ZMYM2: variants seen among roughly 807,000 people sequenced by gnomAD.
ZMYM2 encodes the protein zinc finger MYM-type containing 2.
In ZMYM2, 56 loss-of-function variants were observed where a neutral mutation model predicts 162.8. That is an observed-to-expected ratio of 0.34 (90% CI 0.28 to 0.43). ZMYM2 has a LOEUF of 0.43. Among genes scored for constraint, ZMYM2 ranks in the 20% least tolerant of loss-of-function variants. The probability of loss-of-function intolerance (pLI) is 1.00; values close to 1 mark genes in which losing one functional copy is unlikely to be tolerated. For missense variants in ZMYM2, 1,275 were observed against 1,621.8 expected (o/e 0.79, Z 3.67); for synonymous variants, 510 against 541.6 (o/e 0.94, Z 0.81).
chr13:19,994,297 A>G (rs1428848990), intron 3 of ZMYM2, among the ~76,000 whole-genome samples: 2 of 152,264 alleles, frequency 1.3e-5, no homozygotes, highest in Non-Finnish European at 2.9e-5. Flanking sequence ...TCTAGGCCAC[A>G]TAGCGAGACG....
chr13:19,930,999 C>T, the ZMYM2 span, among the ~76,000 whole-genome samples: 2 of 151,344 alleles, frequency 1.3e-5, no homozygotes, highest in Admixed American at 6.6e-5. Context: ...ATTAGCCAGG[C>T]GCGGTGGCGG....
the ZMYM2 span, among the ~76,000 whole-genome samples, chr13:19,891,800 A>G: frequency 6.6e-6 from 1 of 151,824 alleles, no homozygotes; most frequent in South Asian, 2.1e-4. Context: ...TAAATCAATA[A>G]TATAACCCTA....
chr13:19,959,423 C>T (rs935239853), intron 1 of ZMYM2, among the ~76,000 whole-genome samples: 2 of 152,142 alleles, frequency 1.3e-5, no homozygotes, highest in Non-Finnish European at 2.9e-5. Flanking sequence ...CTGCGCGGCT[C>T]TTGCTCCGCA....
At chr13:20,026,026 A>T (rs1323191560) in intron 7 of ZMYM2, 2 of 152,168 alleles carry the variant, frequency 1.3e-5, no homozygotes, top group African/African-American at 4.8e-5. Flanking sequence ...TTATAGCCAG[A>T]AGTCATTTTG....
At chr13:19,871,249 G>C in the ZMYM2 span, among the ~76,000 whole-genome samples, 13 of 151,930 alleles carry the variant, frequency 8.6e-5, no homozygotes, top group African/African-American at 3.1e-4. Flanking sequence ...AAAGTAAAGA[G>C]ATAAAAAATG....
At chr13:19,915,109 G>A in the ZMYM2 span, among the ~76,000 whole-genome samples, 3 of 152,080 alleles carry the variant, frequency 2.0e-5, no homozygotes, top group Admixed American at 6.6e-5. Context: ...CTACAGGCAT[G>A]TGCCACCATA....
chr13:19,939,511 TG>T, the ZMYM2 span, among the ~76,000 whole-genome samples: 3 of 152,204 alleles, frequency 2.0e-5, no homozygotes, highest in Admixed American at 6.5e-5. Context: ...TGTCAATAAA[TG>T]AAAGTAACCT....
At chr13:19,923,226 G>T in the ZMYM2 span, among the ~76,000 whole-genome samples, 1 of 148,796 alleles carries the variant, frequency 6.7e-6, no homozygotes, top group South Asian at 2.1e-4. Context: ...GCCTGATGGC[G>T]GGCGCCTGTA....
At chr13:20,068,107 G>A (rs1956814428) in intron 21 of ZMYM2, 2 of 178,580 alleles carry the variant, frequency 1.1e-5, no homozygotes, top group Non-Finnish European at 2.4e-5. Flanking sequence ...TTAAGATTCT[G>A]TAAGTGGTGG....
At chr13:20,016,544 C>G (rs763444162) in intron 6 of ZMYM2, among the ~76,000 whole-genome samples, 1 of 152,168 alleles carries the variant, frequency 6.6e-6, no homozygotes, top group Non-Finnish European at 1.5e-5. Flanking sequence ...TTAGTGGCAA[C>G]AAACTCCCTC....
chr13:19,912,129 A>G, the ZMYM2 span, among the ~76,000 whole-genome samples: 19 of 152,144 alleles, frequency 1.2e-4, no homozygotes, highest in East Asian at 3.9e-4. Flanking sequence ...GTATGCAGCT[A>G]TTGAGTTGGC....
the ZMYM2 span, among the ~76,000 whole-genome samples, chr13:19,871,125 C>T: frequency 5.3e-5 from 8 of 151,862 alleles, no homozygotes; most frequent in Non-Finnish European, 7.4e-5. Flanking sequence ...ATGCTAAAAA[C>T]GAATATGAAT....
intron 21 of ZMYM2, among the ~76,000 whole-genome samples, chr13:20,079,952 G>A (rs1425472008): frequency 3.3e-5 from 5 of 152,042 alleles, no homozygotes; most frequent in Non-Finnish European, 7.4e-5. Context: ...TTCTAAACTT[G>A]GGGATTTTAC....
intron 21 of ZMYM2, among the ~76,000 whole-genome samples, chr13:20,075,877 G>A (rs778737270): frequency 3.3e-5 from 5 of 150,856 alleles, no homozygotes; most frequent in African/African-American, 7.3e-5. Context: ...CCCCCATCCC[G>A]TAGAGACGAG....
At chr13:20,000,445 GCT>G (rs1950310840) in intron 3 of ZMYM2, among the ~76,000 whole-genome samples, 1 of 152,172 alleles carries the variant, frequency 6.6e-6, no homozygotes, top group Non-Finnish European at 1.5e-5. Context: ...ACAACTGATG[GCT>G]CTCTTGTTAG....
chr13:19,893,842 A>C, the ZMYM2 span, among the ~76,000 whole-genome samples: 1 of 151,692 alleles, frequency 6.6e-6, no homozygotes, highest in Non-Finnish European at 1.5e-5. Flanking sequence ...TATCTTTTTT[A>C]AAGAGATGAG....
chr13:19,899,692 C>G, the ZMYM2 span, among the ~76,000 whole-genome samples: 3 of 151,546 alleles, frequency 2.0e-5, no homozygotes, highest in Non-Finnish European at 4.4e-5. Flanking sequence ...TGGCAGGCAC[C>G]TGTAATCCCA....
At chr13:20,024,955 G>GCTAT (rs1189964298) in intron 7 of ZMYM2, 1 of 214,670 alleles carries the variant, frequency 4.7e-6, no homozygotes, top group African/African-American at 2.3e-5. Context: ...TAATGAACAT[G>GCTAT]CATTCCTGGC....
chr13:19,927,631 C>T, the ZMYM2 span, among the ~76,000 whole-genome samples: 1 of 152,098 alleles, frequency 6.6e-6, no homozygotes, highest in African/African-American at 2.4e-5. Flanking sequence ...TCCTTGTGTT[C>T]ATAAATGCAT....
Sources: allele counts gnomAD v4.1 joint callset (sites outside exome capture counted in the v4.1 genomes callset), GRCh38; gene constraint gnomAD v4.1.1; transcripts MANE v1.5; gene names NCBI Gene and HGNC (gene_info 2026-07-23, HGNC 2026-07-21).